The following XIRP2 variants were observed in gnomAD, a reference collection of about 807,000 sequenced individuals.
XIRP2 encodes xin actin-binding repeat-containing protein 2.
A neutral mutation model predicts 277.0 loss-of-function variants in XIRP2; 236 were observed. The ratio of observed to expected loss-of-function variants is 0.85; its 90% CI spans 0.77 to 0.95. The LOEUF is 0.95. Among genes scored for constraint, XIRP2 ranks in the 40% least tolerant of loss-of-function variants. The pLI is 0.00. For synonymous variants in XIRP2, 1,490 were observed against 1,416.5 expected, an observed-to-expected ratio of 1.05 and a Z score of -1.17; for missense variants, 4,640 against 4,157.5, an observed-to-expected ratio of 1.12 and a Z score of -3.19.
intron 2 of XIRP2, among the ~76,000 whole-genome samples, chr2:166,967,292 G>T (rs1686458886): frequency 6.6e-6 from 1 of 151,878 alleles, no homozygotes; most frequent in African/African-American, 2.4e-5. Flanking sequence ...AAAACCCATT[G>T]CTTTCAAGAG....
intron 2 of XIRP2, among the ~76,000 whole-genome samples, chr2:167,060,552 A>T (rs150087921): frequency 6.0e-4 from 92 of 152,212 alleles, no homozygotes; most frequent in Non-Finnish European, 1.1e-3. Flanking sequence ...ACTGAGGTTC[A>T]TTCTTTTGAG....
chr2:167,082,298 G>A (rs181235652), intron 2 of XIRP2, among the ~76,000 whole-genome samples: 83 of 152,264 alleles, frequency 5.5e-4, no homozygotes, highest in Non-Finnish European at 1.0e-3. Context: ...TGGCTGCATA[G>A]TATTGCATAG....
In XIRP2 at chr2:167,248,145, G is replaced by A. The variant is rs1308830050; in HGVS notation, c.6753G>A (p.Gln2251=). The change falls in exon 9 of 11, where the codon CAG becomes CAA. Residue 2251 remains glutamine, a synonymous_variant. Transcript: ENST00000409195. ...AGACTGATGTTCACTTGAAAAGCCAGGACTTTCTAATGAAAACAAATACTT... is the reference window on the plus strand; with the variant it reads ...AGACTGATGTTCACTTGAAAAGCCAAGACTTTCTAATGAAAACAAATACTT... ...KRETDVHLKS[Q]DFLMKTNTST... is the part of the protein sequence containing the mutation. The A allele has an allele frequency of 6.2e-7, 1 of 1,613,628 alleles. No homozygotes were observed. The highest frequency in any genetic ancestry group is 1.1e-5 in the South Asian group (1 of 91,028).
rs752300397 is a variant in XIRP2, at chr2:166,965,388, T to C, written c.408+61498T>C. On this transcript the variant is annotated intron_variant, in intron 2 of 10. Coordinates refer to ENST00000409195, the MANE Select transcript of XIRP2 (RefSeq NM_152381.6). ...TATGCACTTACATTTTAGAAGGAAA[T>C]GCTTAAAGAACAAAAATATCTCAAT... 2.2e-4 allele frequency among the ~76,000 whole-genome samples: 34 copies of C among 151,892 alleles called. 1 individual carries two copies. The highest frequency in any genetic ancestry group is 1.1e-3 in the Admixed American group (16 of 15,226).
At chr2:167,054,683 CAAA>C (rs5836129) in intron 2 of XIRP2, among the ~76,000 whole-genome samples, 12 of 108,920 alleles carry the variant, frequency 1.1e-4, no homozygotes, top group Admixed American at 1.0e-4. Context: ...GACTCAGTCG[CAAA>C]AAAAAAAAAA....
rs561741834 is a variant in XIRP2, at chr2:166,983,717, A to G, written c.408+79827A>G. Among the ~76,000 whole-genome samples the G allele has an allele frequency of 3.7e-4, 57 of 152,300 alleles. No individual in the cohort carries two copies. The Middle Eastern group carries it at 0.01, about 27-fold the overall frequency. The stretch of plus-strand genomic sequence containing the variant: ...TGTCTTTTCTATGGAGAAGTTTGGT[A>G]ATTGTCCCAAGACAAAGAGCCAGGG... On this transcript the variant is annotated intron_variant, in intron 2 of 10. Coordinates refer to ENST00000409195, the MANE Select transcript of XIRP2 (RefSeq NM_152381.6).
chr2:167,103,406 G>T (rs756154623), intron 2 of XIRP2, among the ~76,000 whole-genome samples: 1 of 152,118 alleles, frequency 6.6e-6, no homozygotes, highest in Non-Finnish European at 1.5e-5. Flanking sequence ...TAGTTTTATT[G>T]TTGTTGCTCT....
In XIRP2 at chr2:167,241,757, G is replaced by T. The variant is rs774637323; in HGVS notation, c.1043-20G>T. 6.3e-7 allele frequency: 1 copy of T among 1,588,736 alleles called. No individual in the cohort carries two copies. The highest frequency in any genetic ancestry group is 8.5e-7 in the Non-Finnish European group (1 of 1,170,386). The stretch of plus-strand genomic sequence containing the variant: ...TTTTAGTAATTACATAGTAACCCTG[G>T]TGTGTTTTTCTGTTTGTAGTCATTG... On this transcript the variant is annotated intron_variant, in intron 7 of 10. Transcript: ENST00000409195.
chr2:167,111,972 G>A (rs531411330), intron 2 of XIRP2, among the ~76,000 whole-genome samples: 8 of 152,228 alleles, frequency 5.3e-5, no homozygotes, highest in African/African-American at 1.9e-4. Flanking sequence ...AGTAGTCTTT[G>A]ATGGTTTTTT....
At chr2:167,252,243 A>G (rs1050345307) in intron 9 of XIRP2, among the ~76,000 whole-genome samples, 1 of 152,044 alleles carries the variant, frequency 6.6e-6, no homozygotes, top group African/African-American at 2.4e-5. Context: ...CAACAGGTAT[A>G]GCAATAATTT....
intron 2 of XIRP2, among the ~76,000 whole-genome samples, chr2:166,942,887 A>T (rs937094545): frequency 6.6e-6 from 1 of 152,194 alleles, no homozygotes; most frequent in Non-Finnish European, 1.5e-5. Flanking sequence ...CAACATCAAA[A>T]TATTATAAAT....
In XIRP2 at chr2:167,135,918, A is replaced by G. The variant is rs766705727; in HGVS notation, c.418A>G (p.Ile140Val). 1.9e-6 allele frequency: 3 copies of G among 1,598,970 alleles called. No homozygotes were observed. Among genetic ancestry groups the G allele is most frequent in the Non-Finnish European group, 1.7e-6 (2 of 1,173,364 alleles). Residue 140 changes from isoleucine to valine, a missense_variant, in exon 3 of 11, where the codon ATT (isoleucine) becomes GTT (valine). Physicochemically the swap from Ile to Val is conservative, Grantham distance 29 (BLOSUM62 3). Coordinates refer to ENST00000409195, the MANE Select transcript of XIRP2 (RefSeq NM_152381.6). ...PAEYGGKEVEIERSLCSPAFK... is the reference protein window; with the variant it reads ...PAEYGGKEVEVERSLCSPAFK... ...TAATGTCTTGTAACAGGAAGTGGAA[A>G]TTGAGCGAAGTTTGTGCTCGCCAGC...
At position 167,247,461 on chromosome 2, in the gene XIRP2, A is replaced by G. The variant is rs777569844; in HGVS notation, c.6069A>G (p.Lys2023=). 3 of 1,613,730 alleles carry G rather than the reference A, an allele frequency of 1.9e-6. No homozygotes were observed. Among genetic ancestry groups the G allele is most frequent in the Non-Finnish European group, 2.5e-6 (3 of 1,179,776 alleles). ...RTEVNLPKAP[K]GTVKIVIDRE... ...AGGTTAATCTTCCAAAAGCCCCCAAAGGCACTGTAAAGATTGTCATAGATC... is the reference window on the plus strand; with the variant it reads ...AGGTTAATCTTCCAAAAGCCCCCAAGGGCACTGTAAAGATTGTCATAGATC... Residue 2023 remains lysine, a synonymous_variant, in exon 9 of 11, where the codon AAA becomes AAG. Transcript: ENST00000409195.
intron 3 of XIRP2, among the ~76,000 whole-genome samples, chr2:167,139,073 T>A (rs972987779): frequency 4.6e-5 from 7 of 150,772 alleles, no homozygotes; most frequent in Non-Finnish European, 8.9e-5. Context: ...TCTCAAAAAA[T>A]ATATATATAT....
chr2:167,072,617 A>T (rs1196538145), intron 2 of XIRP2, among the ~76,000 whole-genome samples: 1 of 152,168 alleles, frequency 6.6e-6, no homozygotes, highest in African/African-American at 2.4e-5. Context: ...GGCACTCAAT[A>T]AATACTTCAT....
intron 2 of XIRP2, among the ~76,000 whole-genome samples, chr2:166,919,994 A>G (rs1684995039): frequency 6.6e-6 from 1 of 152,122 alleles, no homozygotes; most frequent in Admixed American, 6.6e-5. Flanking sequence ...TCTGCCCTTT[A>G]GTTTATAGCT....
At chr2:167,024,275 A>G (rs1235290164) in intron 2 of XIRP2, among the ~76,000 whole-genome samples, 1 of 152,070 alleles carries the variant, frequency 6.6e-6, no homozygotes. Flanking sequence ...GGTGTATAAG[A>G]ATGCTTGTGA....
chr2:167,061,778 C>G (rs984434677), intron 2 of XIRP2, among the ~76,000 whole-genome samples: 1 of 151,724 alleles, frequency 6.6e-6, no homozygotes, highest in Admixed American at 6.6e-5. Flanking sequence ...GAAGGATTGC[C>G]GGCAACCACC....
intron 2 of XIRP2, among the ~76,000 whole-genome samples, chr2:166,937,066 G>A (rs1011740296): frequency 2.0e-5 from 3 of 151,812 alleles, no homozygotes; most frequent in Non-Finnish European, 4.4e-5. Context: ...TCTTCCATTT[G>A]TTTGTGTCCT....
Sources: allele counts gnomAD v4.1 joint callset (sites outside exome capture counted in the v4.1 genomes callset), GRCh38; gene constraint gnomAD v4.1.1; transcripts MANE v1.5; gene names NCBI Gene and HGNC (gene_info 2026-07-23, HGNC 2026-07-21).